EXOC4: variants seen among roughly 807,000 people sequenced by gnomAD.
The protein encoded by EXOC4 is exocyst complex component 4.
Under a neutral mutation model 107.2 loss-of-function variants are expected in EXOC4, and 71 were observed. That is an observed-to-expected ratio of 0.66 (90% CI 0.55 to 0.81). The LOEUF is 0.81. EXOC4 is among the 30% of genes least tolerant of loss of function. The pLI is 0.00. For missense variants in EXOC4, 1,108 were observed against 1,189.6 expected (o/e 0.93, Z 1.01); for synonymous variants, 456 against 441.2 (o/e 1.03, Z -0.42).
intron 10 of EXOC4, among the ~76,000 whole-genome samples, chr7:133,759,561 T>G (rs1345178113): frequency 6.6e-6 from 1 of 152,214 alleles, no homozygotes; most frequent in Non-Finnish European, 1.5e-5. Flanking sequence ...TACATAACTT[T>G]TTCATGGTTA....
chr7:133,533,459 C>T (rs112928579), intron 9 of EXOC4, among the ~76,000 whole-genome samples: 273 of 152,136 alleles, frequency 1.8e-3, no homozygotes, highest in Non-Finnish European at 2.9e-3. Flanking sequence ...GTAAATCTTT[C>T]GGAATTAAAT....
chr7:133,860,160 CA>C (rs1268058416), intron 11 of EXOC4, among the ~76,000 whole-genome samples: 9 of 152,114 alleles, frequency 5.9e-5, no homozygotes, highest in Non-Finnish European at 1.3e-4. Context: ...GAAAAAAATC[CA>C]AAGCCTGTAG....
intron 17 of EXOC4, among the ~76,000 whole-genome samples, chr7:134,031,808 T>A (rs1795277974): frequency 6.6e-6 from 1 of 152,238 alleles, no homozygotes. Flanking sequence ...TAAAGAAGCA[T>A]ACAGAATTAT....
At chr7:133,569,176 A>T (rs1308986505) in intron 9 of EXOC4, among the ~76,000 whole-genome samples, 1 of 152,124 alleles carries the variant, frequency 6.6e-6, no homozygotes, top group Non-Finnish European at 1.5e-5. Flanking sequence ...GGCCAGATTA[A>T]TAATTAAGCA....
chr7:133,526,703 G>A (rs1376705444), intron 9 of EXOC4, among the ~76,000 whole-genome samples: 1 of 152,198 alleles, frequency 6.6e-6, no homozygotes, highest in Non-Finnish European at 1.5e-5. Context: ...CGGGCGTAGT[G>A]GCTTTCGCCT....
At chr7:133,808,800 A>C (rs1274989262) in intron 10 of EXOC4, among the ~76,000 whole-genome samples, 1 of 151,704 alleles carries the variant, frequency 6.6e-6, no homozygotes, top group Non-Finnish European at 1.5e-5. Flanking sequence ...CATGGTAGGG[A>C]TTTTGAATAT....
At chr7:133,418,676 G>T (rs537978258) in intron 7 of EXOC4, among the ~76,000 whole-genome samples, 12 of 152,064 alleles carry the variant, frequency 7.9e-5, no homozygotes, top group Non-Finnish European at 1.5e-4. Flanking sequence ...CACCCCTAGG[G>T]TTTGTTGTTT....
intron 10 of EXOC4, among the ~76,000 whole-genome samples, chr7:133,686,993 T>TGTGTG (rs1562907797): frequency 2.8e-3 from 21 of 7,604 alleles, no homozygotes; most frequent in Middle Eastern, 0.05. Flanking sequence ...ATAAAGAATT[T>TGTGTG]TGTGTGTGTG....
intron 13 of EXOC4, among the ~76,000 whole-genome samples, chr7:133,937,499 C>G (rs866048716): frequency 1.3e-5 from 2 of 152,112 alleles, no homozygotes; most frequent in African/African-American, 4.8e-5. Context: ...TTTATTTTCA[C>G]TACAATAAAC....
chr7:134,091,547 G>A, the EXOC4 span, among the ~76,000 whole-genome samples: 29 of 152,208 alleles, frequency 1.9e-4, no homozygotes, highest in East Asian at 1.4e-3. Flanking sequence ...TGCCTTAATC[G>A]TCTGGGAATG....
rs1794613606 is a variant in EXOC4, at chr7:134,004,995, A to G, written c.2432A>G (p.Asp811Gly). The change falls in exon 16 of 18, where the codon GAC becomes GGC. Residue 811 changes from aspartate to glycine, a missense_variant. Asp to Gly is a moderately conservative substitution (Grantham distance 94). Transcript: ENST00000253861. ...IVANVESMDY[D>G]PLVVKLNKDI... ...GCTAATGTGGAAAGTATGGATTATG[A>G]CCCCCTGGTGGTCAAGCTCAACAAA... 2 of 1,613,140 alleles carry G rather than the reference A, an allele frequency of 1.2e-6. No homozygotes were observed. Among genetic ancestry groups the G allele is most frequent in the African/African-American group, 2.7e-5 (2 of 74,732 alleles).
chr7:133,577,006 T>C (rs1801146638), intron 9 of EXOC4: 1 of 484,986 alleles, frequency 2.1e-6, no homozygotes, highest in Admixed American at 3.5e-5. Context: ...CTGTTTTCAT[T>C]TATTATTAAG....
At position 133,475,423 on chromosome 7, in the gene EXOC4, A is replaced by C. The variant is rs190946458; in HGVS notation, c.1278A>C (p.Ala426=). The C allele has an allele frequency of 5.5e-5, 88 of 1,614,116 alleles. No individual in the cohort carries two copies. In the Middle Eastern group the frequency reaches 6.6e-4, roughly 12 times the overall value. ...ATGCCAGCACTGGACGAGAGTTTGC[A>C]GCCTTTTTTGCCAAGAAGAAACCTC... The part of the protein sequence containing the change: ...LSYASTGREF[A]AFFAKKKPQR... Residue 426 remains alanine, a synonymous_variant, in exon 8 of 18, where the codon GCA becomes GCC. Coordinates refer to ENST00000253861, the MANE Select transcript of EXOC4 (RefSeq NM_021807.4).
intron 2 of EXOC4, among the ~76,000 whole-genome samples, chr7:133,288,134 T>C (rs547738349): frequency 4.9e-4 from 75 of 152,344 alleles, no homozygotes; most frequent in African/African-American, 1.7e-3. Context: ...GTTCTGTGAA[T>C]TTTGAAAGAT....
chr7:133,938,123 G>C (rs1800346343), intron 14 of EXOC4, 54 bp downstream of exon 14: 6 of 1,566,260 alleles, frequency 3.8e-6, no homozygotes, highest in Non-Finnish European at 5.3e-6. Flanking sequence ...TAGACTGAAT[G>C]CATTCATTGA....
At chr7:133,511,709 T>C (rs1004460808) in intron 9 of EXOC4, among the ~76,000 whole-genome samples, 1 of 152,176 alleles carries the variant, frequency 6.6e-6, no homozygotes, top group African/African-American at 2.4e-5. Context: ...AAATATTTAG[T>C]GAATGAATTT....
chr7:133,343,635 C>T (rs530972637), intron 5 of EXOC4, among the ~76,000 whole-genome samples: 6 of 149,504 alleles, frequency 4.0e-5, no homozygotes, highest in Non-Finnish European at 7.4e-5. Context: ...TCTTCTCACT[C>T]GTTCATGTTT....
intron 5 of EXOC4, among the ~76,000 whole-genome samples, chr7:133,319,531 C>G (rs1294022927): frequency 6.6e-6 from 1 of 151,980 alleles, no homozygotes; most frequent in Non-Finnish European, 1.5e-5. Flanking sequence ...CTCTTGTGGC[C>G]CGAGCTGGAG....
At chr7:133,330,044 T>A (rs1795344481) in intron 5 of EXOC4, among the ~76,000 whole-genome samples, 1 of 152,116 alleles carries the variant, frequency 6.6e-6, no homozygotes, top group Non-Finnish European at 1.5e-5. Context: ...CCCTAGGTGC[T>A]CTGTTACAGG....
Sources: allele counts gnomAD v4.1 joint callset (sites outside exome capture counted in the v4.1 genomes callset), GRCh38; gene constraint gnomAD v4.1.1; transcripts MANE v1.5; gene names NCBI Gene and HGNC (gene_info 2026-07-23, HGNC 2026-07-21).